The following NUMA1 variants were observed in gnomAD, a reference collection of about 807,000 sequenced individuals.
NUMA1 encodes nuclear mitotic apparatus protein 1.
In NUMA1, 62 loss-of-function variants were observed where a neutral mutation model predicts 237.1. The observed-to-expected ratio is 0.26, with a 90% CI of 0.21 to 0.32. The LOEUF (loss-of-function observed/expected upper bound fraction) is 0.32, where lower values mean the gene tolerates loss of function less well. Among genes scored for constraint, NUMA1 ranks in the 10% least tolerant of loss-of-function variants. The probability of loss-of-function intolerance (pLI) is 1.00; values close to 1 mark genes in which losing one functional copy is unlikely to be tolerated. For synonymous variants in NUMA1, 1,028 were observed against 1,066.1 expected (o/e 0.96, Z 0.70); for missense variants, 2,533 against 2,666.5 (o/e 0.95, Z 1.10).
chr11:72,009,692 A>G (rs1346839324), intron 17 of NUMA1, among the ~76,000 whole-genome samples: 8 of 147,620 alleles, frequency 5.4e-5, no homozygotes, highest in Non-Finnish European at 1.2e-4. Flanking sequence ...CGTAGGAGGA[A>G]GGGAACCAAT....
intron 23 of NUMA1, 52 bp from the exon 24 acceptor site, chr11:72,004,868 G>A (rs1315515015): frequency 6.7e-7 from 1 of 1,494,582 alleles, no homozygotes; most frequent in Non-Finnish European, 9.0e-7. Flanking sequence ...GGAGATGGAG[G>A]AGGACCTGGG....
chr11:72,060,713 A>C (rs1445962541), intron 2 of NUMA1, among the ~76,000 whole-genome samples: 2 of 152,204 alleles, frequency 1.3e-5, no homozygotes, highest in African/African-American at 2.4e-5. Flanking sequence ...GTCTGGGCAC[A>C]GTGGCTCATG....
At chr11:72,019,438 G>T in intron 9 of NUMA1, 56 bp downstream of exon 9, 1 of 1,597,552 alleles carries the variant, frequency 6.3e-7, no homozygotes, top group South Asian at 1.1e-5. Flanking sequence ...AGTTAGGAAT[G>T]TGAGGAATGG....
intron 20 of NUMA1, chr11:72,007,772 A>G: frequency 2.6e-6 from 1 of 386,004 alleles, no homozygotes; most frequent in Non-Finnish European, 4.8e-6. Context: ...AGTGAATAGG[A>G]ACGCCCCCCA....
At chr11:72,042,919 GC>G (rs1357868545) in intron 2 of NUMA1, among the ~76,000 whole-genome samples, 1 of 151,572 alleles carries the variant, frequency 6.6e-6, no homozygotes, top group African/African-American at 2.4e-5. Context: ...TTGGAGACCA[GC>G]CGGGGCAACA....
At chr11:72,075,298 G>C (rs1033566886) in intron 1 of NUMA1, among the ~76,000 whole-genome samples, 2 of 152,106 alleles carry the variant, frequency 1.3e-5, no homozygotes, top group African/African-American at 4.8e-5. Context: ...TGTCAACAGG[G>C]GGTGCTAAGG....
rs1565208710 is a variant in NUMA1, at chr11:72,014,021, T to G, written c.3482A>C (p.Asp1161Ala). 1 of 1,611,732 alleles carries G rather than the reference T, an allele frequency of 6.2e-7. No homozygotes were observed. Among genetic ancestry groups the G allele is most frequent in the Admixed American group, 1.7e-5 (1 of 60,014 alleles). The part of the protein sequence containing the change: ...EAERASRAER[D>A]SALETLQGQL... ...GCCCTGCAGAGTCTCCAGAGCACTG[T>G]CCCGCTCAGCCCGGGAGGCCCGCTC... Residue 1161 changes from aspartate to alanine, a missense_variant, in exon 15 of 27, where the codon GAC becomes GCC. This residue lies in a region of NUMA1 where 1,414 missense variants were observed against 1,508.1 expected (regional missense o/e 0.94). Coordinates refer to ENST00000393695, the MANE Select transcript of NUMA1 (RefSeq NM_006185.4). The surrounding 1 kb of genome is among the most constrained non-coding windows in gnomAD (Gnocchi z 4.6).
intron 3 of NUMA1, among the ~76,000 whole-genome samples, chr11:72,032,783 G>GT (rs1940501579): frequency 6.6e-6 from 1 of 152,156 alleles, no homozygotes; most frequent in South Asian, 2.1e-4. Context: ...AAAATACCCT[G>GT]TAACAGTTTA....
chr11:72,061,854 C>T (rs1289053205), intron 2 of NUMA1, among the ~76,000 whole-genome samples: 1 of 152,072 alleles, frequency 6.6e-6, no homozygotes, highest in African/African-American at 2.4e-5. Context: ...CCTACCCACA[C>T]ACCACAATAA....
chr11:72,022,035 T>C (rs376629088), intron 7 of NUMA1, among the ~76,000 whole-genome samples: 3 of 152,118 alleles, frequency 2.0e-5, no homozygotes, highest in African/African-American at 4.8e-5. Context: ...GAAACACATA[T>C]AGGAACAGAG....
chr11:72,057,762 A>C (rs965108524), intron 2 of NUMA1, among the ~76,000 whole-genome samples: 15 of 150,620 alleles, frequency 1.0e-4, no homozygotes, highest in African/African-American at 3.2e-4. Context: ...ACAAAAAAAA[A>C]CAAAAAACAA....
intron 9 of NUMA1, 113 bp downstream of exon 9, chr11:72,019,381 G>C (rs919859684): frequency 2.2e-6 from 3 of 1,384,724 alleles, no homozygotes; most frequent in Non-Finnish European, 2.0e-6. Context: ...CAGATCTACC[G>C]GATACTCTAA....
intron 17 of NUMA1, among the ~76,000 whole-genome samples, chr11:72,010,179 TAGGAGCCACC>T (rs1283899437): frequency 1.3e-5 from 2 of 152,230 alleles, no homozygotes; most frequent in Non-Finnish European, 2.9e-5. Context: ...CAACAACTCC[TAGGAGCCACC>T]AGGGCTTTAG....
intron 24 of NUMA1, 27 bp downstream of exon 24, chr11:72,004,613 G>GT (rs764620766): frequency 3.7e-6 from 6 of 1,606,348 alleles, no homozygotes; most frequent in Non-Finnish European, 4.2e-6. Context: ...CAGTGCTGGA[G>GT]TAACACCCAG....
intron 2 of NUMA1, among the ~76,000 whole-genome samples, chr11:72,057,654 G>T (rs1239015272): frequency 3.3e-5 from 5 of 151,656 alleles, no homozygotes; most frequent in African/African-American, 4.8e-5. Context: ...TGAGGCATGA[G>T]AATTGCTTGA....
At chr11:72,059,917 A>G (rs1335262469) in intron 2 of NUMA1, among the ~76,000 whole-genome samples, 1 of 152,246 alleles carries the variant, frequency 6.6e-6, no homozygotes, top group Non-Finnish European at 1.5e-5. Flanking sequence ...ATCAATATAT[A>G]AGATAGAATA....
rs779477475 is a variant in NUMA1 at position 72,013,954 on chromosome 11, A to G, written c.3549T>C (p.Ser1183=). ...ACTCCCGTTGGGCCGAGGCTAAGGC[A>G]CTCTGACTGTGCCCTAGCTCCTGGG... ...EKAQELGHSQ[S]ALASAQRELA... Residue 1183 remains serine, a synonymous_variant, in exon 15 of 27, where the codon AGT becomes AGC. Transcript: ENST00000393695. This position sits in a 1 kb window ranked among gnomAD's most constrained non-coding sequence, Gnocchi z 6.8. 6.2e-7 allele frequency: 1 copy of G among 1,613,648 alleles called. No individual in the cohort carries two copies. The highest frequency in any genetic ancestry group is 2.2e-5 in the East Asian group (1 of 44,856).
intron 13 of NUMA1, chr11:72,017,475 T>C (rs748794244): frequency 3.2e-5 from 19 of 593,274 alleles, no homozygotes; most frequent in Non-Finnish European, 5.1e-5. Context: ...AGGTGTACTA[T>C]AAAGTGAGGG....
At chr11:72,040,220 T>C (rs1941499825) in intron 2 of NUMA1, among the ~76,000 whole-genome samples, 3 of 152,190 alleles carry the variant, frequency 2.0e-5, no homozygotes, top group African/African-American at 7.2e-5. Flanking sequence ...TCCATCTTTG[T>C]AGCCTAGAGT....
Sources: gnomAD v4.1 joint callset for allele counts (sites outside exome capture counted in the v4.1 genomes callset) on GRCh38, gnomAD v4.1.1 for gene constraint, gnomAD v4.1.1 regional missense constraint, Gnocchi (gnomAD v3.1) non-coding constraint, MANE v1.5 for transcripts, NCBI Gene and HGNC (gene_info 2026-07-23, HGNC 2026-07-21) for gene names.